HNF4G: variants seen among roughly 807,000 people sequenced by gnomAD.
HNF4G encodes hepatocyte nuclear factor 4-gamma.
Under a neutral mutation model 50.9 loss-of-function variants are expected in HNF4G, and 21 were observed. The observed-to-expected ratio is 0.41, with a 90% CI of 0.29 to 0.59. HNF4G has a LOEUF of 0.59. Ranked by LOEUF, HNF4G falls within the 20% of genes least tolerant of loss-of-function variation. HNF4G has a pLI of 0.26. For synonymous variants in HNF4G, 198 were observed against 185.6 expected, an observed-to-expected ratio of 1.07 and a Z score of -0.54; for missense variants, 527 against 559.4, an observed-to-expected ratio of 0.94 and a Z score of 0.58.
At chr8:75,482,569 T>C (rs1421112858) in intron 1 of HNF4G, among the ~76,000 whole-genome samples, 4 of 152,182 alleles carry the variant, frequency 2.6e-5, no homozygotes, top group Non-Finnish European at 5.9e-5. Flanking sequence ...GGTTTCACCA[T>C]GTTGCCCAGG....
At chr8:75,515,208 T>C (rs369526055) in intron 2 of HNF4G, among the ~76,000 whole-genome samples, 9 of 152,212 alleles carry the variant, frequency 5.9e-5, no homozygotes, top group African/African-American at 1.7e-4. Flanking sequence ...GCTGTTTGTC[T>C]TTGTGCATAT....
intron 1 of HNF4G, among the ~76,000 whole-genome samples, chr8:75,417,774 G>A (rs1563498127): frequency 1.3e-5 from 2 of 152,118 alleles, no homozygotes; most frequent in African/African-American, 4.8e-5. Context: ...TCTGAGACGT[G>A]TTAGAATAGA....
chr8:75,472,264 TAGAA>T (rs1414882248), intron 1 of HNF4G, among the ~76,000 whole-genome samples: 1 of 152,174 alleles, frequency 6.6e-6, no homozygotes, highest in Non-Finnish European at 1.5e-5. Context: ...GTATTTAGCT[TAGAA>T]ATTCTTTTTT....
intron 1 of HNF4G, among the ~76,000 whole-genome samples, chr8:75,442,727 G>A (rs868293827): frequency 2.6e-5 from 4 of 151,928 alleles, no homozygotes; most frequent in Non-Finnish European, 5.9e-5. Flanking sequence ...AAGCCTTCAG[G>A]AGATGGGGAT....
Position 75,533,757 on chromosome 8 carries a change from T to C in HNF4G, c.-23-10054T>C, listed in dbSNP as rs574231344. Among the ~76,000 whole-genome samples the C allele has an allele frequency of 5.3e-5, 8 of 151,944 alleles. No individual in the cohort carries two copies. The East Asian group carries it at 1.5e-3, about 29-fold the overall frequency. On this transcript the variant is annotated intron_variant, in intron 2 of 10. Transcript: ENST00000354370. ...CCTCTATTAAATGGAGATGCAAATA[T>C]TGTTTACTTTTATCTCAATCAAATA...
intron 2 of HNF4G, among the ~76,000 whole-genome samples, chr8:75,527,718 A>G (rs557713114): frequency 6.6e-6 from 1 of 152,314 alleles, no homozygotes; most frequent in South Asian, 2.1e-4. Context: ...CTGGTGCACC[A>G]TTTAGCTGTT....
In HNF4G at chr8:75,566,720, C is replaced by A. The variant is rs897826183; in HGVS notation, c.*2624C>A. 1.3e-5 allele frequency: 2 copies of A among 151,444 alleles called. No individual in the cohort carries two copies. The highest frequency in any genetic ancestry group is 2.4e-5 in the African/African-American group (1 of 41,160). 9.4% of individuals were successfully genotyped at this position (151,444 alleles called of 1,614,324 possible). ...TTTTATAAATTTTATTGTTGGAAAT[C>A]AAAAATTAGTAGATTTTTTACCATG... On this transcript the variant is annotated 3_prime_UTR_variant, in exon 10 of 10. Coordinates refer to ENST00000396423, the MANE Select transcript of HNF4G (RefSeq NM_004133.5).
rs1806829893 is a variant in HNF4G at position 75,547,734 on chromosome 8, A to T, written c.382+53A>T. 6 of 1,064,010 alleles carry T rather than the reference A, an allele frequency of 5.6e-6. No homozygotes were observed. In the South Asian group the frequency reaches 7.5e-5, roughly 13 times the overall value. The allele number at this position is 1,064,010 out of a possible 1,614,324, so 65.9% of individuals were successfully genotyped here. On this transcript the variant is annotated intron_variant, in intron 3 of 9. Transcript: ENST00000396423. ...ATTATTGATGAAAAGTGATAAACAT[A>T]CACACACATTCTCATTGATTAGTAT...
At chr8:75,508,854 T>G (rs148599928) in intron 2 of HNF4G, among the ~76,000 whole-genome samples, 10 of 152,278 alleles carry the variant, frequency 6.6e-5, no homozygotes, top group Admixed American at 3.9e-4. Flanking sequence ...TTGTAATCCA[T>G]GTGGAGGAAT....
In HNF4G at chr8:75,545,699, A is replaced by T. The variant is rs1806756934; in HGVS notation, c.287+1720A>T. Among the ~76,000 whole-genome samples the T allele has an allele frequency of 1.3e-5, 2 of 152,076 alleles. 1 individual carries two copies. Among genetic ancestry groups the T allele is most frequent in the South Asian group, 4.1e-4 (2 of 4,828 alleles). Reference sequence around the variant, plus strand: ...CAAAAGCACTTTTAATTGCTGTTTCAATACTTTTCATGTTATGTTTTTCAC... The same window carrying T: ...CAAAAGCACTTTTAATTGCTGTTTCTATACTTTTCATGTTATGTTTTTCAC... On this transcript the variant is annotated intron_variant, in intron 2 of 9. Coordinates refer to ENST00000396423, the MANE Select transcript of HNF4G (RefSeq NM_004133.5).
At chr8:75,561,210 C>G (rs544573427) in intron 9 of HNF4G, among the ~76,000 whole-genome samples, 1 of 152,262 alleles carries the variant, frequency 6.6e-6, no homozygotes, top group East Asian at 1.9e-4. Flanking sequence ...TATTTTGGGA[C>G]ACCTTCTCCC....
At position 75,540,140 on chromosome 8, in the gene HNF4G, G is replaced by C. The variant is rs1034576701; in HGVS notation, c.118+60G>C. ...GTAAGTATAATTGGAGAAGGTGGAA[G>C]ACTGAGCTTCCAAAGGTGGTGGCTC... On this transcript the variant is annotated intron_variant, in intron 1 of 9. Transcript: ENST00000396423. 1.8e-5 allele frequency: 18 copies of C among 992,820 alleles called. No homozygotes were observed. The Middle Eastern group carries it at 1.1e-3, about 59-fold the overall frequency. The allele number at this position is 992,820 out of a possible 1,614,324, so 61.5% of individuals were successfully genotyped here.
chr8:75,418,859 C>G (rs1007369304), intron 1 of HNF4G, among the ~76,000 whole-genome samples: 2 of 151,748 alleles, frequency 1.3e-5, no homozygotes, highest in Non-Finnish European at 2.9e-5. Context: ...TCCCGAGTAG[C>G]TGGGACTACA....
In HNF4G at chr8:75,553,097, G is replaced by C; in HGVS notation, c.545G>C (p.Ser182Thr). ...GACATAAACGTTAAGAAAATTGCAA[G>C]TATTGGTGATGTCTGTGAATCTATG... Reference protein sequence around the residue: ...STDINVKKIASIGDVCESMKQ... With the variant: ...STDINVKKIATIGDVCESMKQ... The change falls in exon 5 of 10, where the codon AGT becomes ACT. Residue 182 changes from serine to threonine, a missense_variant. Ser to Thr is a moderately conservative substitution (Grantham distance 58, BLOSUM62 1). Coordinates refer to ENST00000396423, the MANE Select transcript of HNF4G (RefSeq NM_004133.5). The C allele has an allele frequency of 6.2e-7, 1 of 1,612,652 alleles. No homozygotes were observed. Among genetic ancestry groups the C allele is most frequent in the South Asian group, 1.1e-5 (1 of 91,040 alleles).
At chr8:75,523,341 C>T (rs1806095551) in intron 2 of HNF4G, among the ~76,000 whole-genome samples, 1 of 152,200 alleles carries the variant, frequency 6.6e-6, no homozygotes, top group Non-Finnish European at 1.5e-5. Flanking sequence ...TAAATCTTCT[C>T]CCAGATACTA....
At chr8:75,461,717 A>G (rs777470448) in intron 1 of HNF4G, among the ~76,000 whole-genome samples, 91 of 59,892 alleles carry the variant, frequency 1.5e-3, no homozygotes, top group Non-Finnish European at 2.3e-3. Context: ...ATAGCACTGA[A>G]CTCTGTATAT....
At chr8:75,461,464 A>G (rs988982693) in intron 1 of HNF4G, among the ~76,000 whole-genome samples, 4 of 152,108 alleles carry the variant, frequency 2.6e-5, no homozygotes, top group Non-Finnish European at 4.4e-5. Flanking sequence ...TATCAGACCC[A>G]CTTAGATAAT....
chr8:75,514,752 A>T (rs1373534182), intron 2 of HNF4G, among the ~76,000 whole-genome samples: 2 of 152,090 alleles, frequency 1.3e-5, no homozygotes, highest in Non-Finnish European at 2.9e-5. Flanking sequence ...AAATTTATAA[A>T]TTTGTTTTCA....
intron 6 of HNF4G, 45 bp downstream of exon 6, chr8:75,556,114 ATTC>A (rs1807115497): frequency 1.9e-6 from 2 of 1,049,720 alleles, no homozygotes; most frequent in Non-Finnish European, 2.8e-6. Flanking sequence ...TGCATATTTT[ATTC>A]TTGCAATATT....
Sources: gnomAD v4.1 joint callset for allele counts (sites outside exome capture counted in the v4.1 genomes callset) on GRCh38, gnomAD v4.1.1 for gene constraint, MANE v1.5 for transcripts, NCBI Gene and HGNC (gene_info 2026-07-23, HGNC 2026-07-21) for gene names.